The following TXNRD2 variants were observed in gnomAD, a reference collection of about 807,000 sequenced individuals.
The protein encoded by TXNRD2 is thioredoxin reductase 2, mitochondrial.
A neutral mutation model predicts 70.8 loss-of-function variants in TXNRD2; 67 were observed. That is an observed-to-expected ratio of 0.95 (90% CI 0.78 to 1.16). The LOEUF is 1.16. Among genes scored for constraint, TXNRD2 ranks in the 50% most tolerant of loss-of-function variants. The pLI is 0.00. For missense variants in TXNRD2, 644 were observed against 719.9 expected, an observed-to-expected ratio of 0.89 and a Z score of 1.21; for synonymous variants, 301 against 295.8, an observed-to-expected ratio of 1.02 and a Z score of -0.18.
At chr22:19,916,318 C>T (rs78090538) in intron 5 of TXNRD2, 5,353 of 174,726 alleles carry the variant, frequency 0.031, 318 homozygotes, top group African/African-American at 0.12. Context: ...AAACAAATGA[C>T]CCACGCTTTC....
At chr22:19,934,568 T>TTC (rs1941481339) in intron 1 of TXNRD2, among the ~76,000 whole-genome samples, 1 of 145,624 alleles carries the variant, frequency 6.9e-6, no homozygotes, top group Admixed American at 6.8e-5. Context: ...ACTTTTTTCT[T>TTC]TTTTTTTTTT....
At chr22:19,907,473 C>T (rs528368021) in intron 8 of TXNRD2, among the ~76,000 whole-genome samples, 1 of 42,816 alleles carries the variant, frequency 2.3e-5, no homozygotes, top group Non-Finnish European at 4.5e-5. Context: ...GCAGTGACCG[C>T]TCTCAGGAGA....
intron 1 of TXNRD2, chr22:19,932,279 C>A: frequency 6.2e-7 from 1 of 1,611,250 alleles, no homozygotes; most frequent in Non-Finnish European, 8.5e-7. Context: ...GGGAAGCCAC[C>A]CTGGGCACAG....
At chr22:19,901,600 C>A (rs774697999) in intron 8 of TXNRD2, among the ~76,000 whole-genome samples, 1 of 152,138 alleles carries the variant, frequency 6.6e-6, no homozygotes, top group Non-Finnish European at 1.5e-5. Context: ...ATGCAGGATA[C>A]GAGAATTCCA....
intron 16 of TXNRD2, 90 bp downstream of exon 16, chr22:19,878,000 A>G: frequency 7.3e-6 from 8 of 1,094,480 alleles, no homozygotes; most frequent in Non-Finnish European, 1.1e-5. Context: ...ATGCCGCAAG[A>G]GTGGCAGCAG....
intron 8 of TXNRD2, among the ~76,000 whole-genome samples, chr22:19,905,914 T>TA (rs35285035): frequency 0.3 from 39,969 of 132,226 alleles, 6,266 homozygotes; most frequent in East Asian, 0.63. Flanking sequence ...ATACAGGGCT[T>TA]AAAAAAAAAA....
At chr22:19,917,895 T>G (rs1428514608) in intron 5 of TXNRD2, among the ~76,000 whole-genome samples, 1 of 152,192 alleles carries the variant, frequency 6.6e-6, no homozygotes, top group Non-Finnish European at 1.5e-5. Flanking sequence ...GCTCTGGCCA[T>G]TCTGCCAATG....
At chr22:19,880,134 C>G in intron 14 of TXNRD2, 45 bp downstream of exon 14, 1 of 1,594,794 alleles carries the variant, frequency 6.3e-7, no homozygotes, top group Non-Finnish European at 8.6e-7. Flanking sequence ...GGGGTGAGGT[C>G]GTGGAGTCGC....
rs550767384 is a variant in TXNRD2 at position 19,884,343 on chromosome 22, G to A, written c.950-882C>T. 1.4e-3 allele frequency: 207 copies of A among 152,394 alleles called. 1 individual carries two copies. The highest frequency in any genetic ancestry group is 2.3e-3 in the Non-Finnish European group (154 of 68,100). The allele number at this position is 152,394 out of a possible 1,614,324, so 9.4% of individuals were successfully genotyped here. Reference sequence around the variant, plus strand: ...GGCCTTAGACTGGTTCCTGGCACGCGGGAAAGGAAGAGGCACTTGCCAATG... The same window carrying A: ...GGCCTTAGACTGGTTCCTGGCACGCAGGAAAGGAAGAGGCACTTGCCAATG... On this transcript the variant is annotated intron_variant, in intron 11 of 17. Coordinates refer to ENST00000400521, the MANE Select transcript of TXNRD2 (RefSeq NM_006440.5).
chr22:19,939,814 A>G (rs1941639919), intron 1 of TXNRD2, among the ~76,000 whole-genome samples: 2 of 152,188 alleles, frequency 1.3e-5, no homozygotes. Context: ...CTTTAAGACA[A>G]ATAAAAAGAG....
intron 1 of TXNRD2, among the ~76,000 whole-genome samples, chr22:19,937,790 G>T (rs775673293): frequency 6.6e-6 from 1 of 152,176 alleles, no homozygotes; most frequent in Non-Finnish European, 1.5e-5. Context: ...GTTGTCGTAA[G>T]GGTAAACATT....
At chr22:19,886,679 G>A (rs1274805127) in intron 11 of TXNRD2, among the ~76,000 whole-genome samples, 1 of 152,262 alleles carries the variant, frequency 6.6e-6, no homozygotes, top group Admixed American at 6.5e-5. Flanking sequence ...CGCCCTGCAT[G>A]TTGTGCTCAG....
At chr22:19,934,663 C>T (rs566245192) in intron 1 of TXNRD2, among the ~76,000 whole-genome samples, 1 of 151,738 alleles carries the variant, frequency 6.6e-6, no homozygotes, top group South Asian at 2.1e-4. Flanking sequence ...CCTGGGTTCA[C>T]ACCATTCTCC....
At chr22:19,899,132 G>C in intron 8 of TXNRD2, 64 bp from the exon 9 acceptor site, 2 of 1,600,214 alleles carry the variant, frequency 1.2e-6, no homozygotes, top group Non-Finnish European at 1.7e-6. Flanking sequence ...AGTGCAGTCA[G>C]AGCAGAACCC....
intron 11 of TXNRD2, among the ~76,000 whole-genome samples, chr22:19,886,275 T>C (rs552194396): frequency 6.6e-6 from 1 of 152,324 alleles, no homozygotes; most frequent in South Asian, 2.1e-4. Flanking sequence ...TGGGGCCACG[T>C]CCCTAGCCGT....
intron 12 of TXNRD2, among the ~76,000 whole-genome samples, chr22:19,882,828 A>C (rs1251710848): frequency 6.6e-6 from 1 of 152,230 alleles, no homozygotes; most frequent in African/African-American, 2.4e-5. Context: ...ACTTCACAGC[A>C]GCAGCAGCAG....
At chr22:19,930,980 G>C in intron 2 of TXNRD2, 50 bp downstream of exon 2, 1 of 1,559,518 alleles carries the variant, frequency 6.4e-7, no homozygotes, top group Non-Finnish European at 8.8e-7. Context: ...ACCCTCTCTA[G>C]GGGCCCTAAA....
intron 1 of TXNRD2, among the ~76,000 whole-genome samples, chr22:19,938,901 T>G (rs1170006643): frequency 6.6e-6 from 1 of 152,218 alleles, no homozygotes; most frequent in Admixed American, 6.5e-5. Flanking sequence ...CCAATTATAT[T>G]TAGCATTGTT....
chr22:19,880,326 C>A, intron 13 of TXNRD2, 55 bp from the exon 14 acceptor site: 1 of 1,542,176 alleles, frequency 6.5e-7, no homozygotes, highest in Non-Finnish European at 8.9e-7. Flanking sequence ...ACCGAAGTTC[C>A]CCACTGCATG....
Sources: allele counts gnomAD v4.1 joint callset (sites outside exome capture counted in the v4.1 genomes callset), GRCh38; gene constraint gnomAD v4.1.1; transcripts MANE v1.5; gene names NCBI Gene and HGNC (gene_info 2026-07-23, HGNC 2026-07-21).